The following HACE1 variants were observed in gnomAD, a reference collection of about 807,000 sequenced individuals.
HACE1 encodes the protein HECT domain and ankyrin repeat containing E3 ubiquitin protein ligase 1, also known as E3 ubiquitin-protein ligase HACE1.
Under a neutral mutation model 118.4 loss-of-function variants are expected in HACE1, and 73 were observed. The ratio of observed to expected loss-of-function variants is 0.62; its 90% CI spans 0.51 to 0.75. The LOEUF (loss-of-function observed/expected upper bound fraction) is 0.75. Ranked by LOEUF, HACE1 falls within the 30% of genes least tolerant of loss-of-function variation. The pLI, the probability that HACE1 is intolerant of heterozygous loss-of-function variation, is 0.00. For missense variants in HACE1, 749 were observed against 1,102.2 expected (o/e 0.68, Z 4.54); for synonymous variants, 368 against 374.8 (o/e 0.98, Z 0.21).
chr6:104,807,656 T>C (rs1444344189), intron 7 of HACE1, among the ~76,000 whole-genome samples: 1 of 152,038 alleles, frequency 6.6e-6, no homozygotes, highest in Non-Finnish European at 1.5e-5. Context: ...TTTGAAATAT[T>C]GGTAGAAGTC....
At chr6:104,796,861 T>G in intron 8 of HACE1, 68 bp downstream of exon 8, 1 of 1,144,590 alleles carries the variant, frequency 8.7e-7, no homozygotes. Context: ...ATTGAAAAAA[T>G]AATAATTTTT....
At chr6:104,824,944 G>A (rs1401612397) in intron 6 of HACE1, 2 of 151,744 alleles carry the variant, frequency 1.3e-5, no homozygotes, top group Non-Finnish European at 2.9e-5. Context: ...TTAGCCGGGC[G>A]TGGTGGCGGG....
intron 20 of HACE1, among the ~76,000 whole-genome samples, chr6:104,745,105 A>G (rs1777267859): frequency 6.6e-6 from 1 of 152,180 alleles, no homozygotes. Context: ...AATAGTTACG[A>G]TTTTTAAAAA....
At chr6:104,791,981 T>A (rs1783072699) in intron 10 of HACE1, among the ~76,000 whole-genome samples, 1 of 152,188 alleles carries the variant, frequency 6.6e-6, no homozygotes, top group Non-Finnish European at 1.5e-5. Context: ...CTTTCAGAAG[T>A]ATATTTGTAA....
chr6:104,760,308 C>A (rs766153040), intron 19 of HACE1, among the ~76,000 whole-genome samples: 1 of 152,028 alleles, frequency 6.6e-6, no homozygotes, highest in Non-Finnish European at 1.5e-5. Flanking sequence ...AATAAAATAC[C>A]GGCAAACCAA....
intron 4 of HACE1, among the ~76,000 whole-genome samples, chr6:104,844,792 A>T (rs1775485799): frequency 6.6e-6 from 1 of 151,496 alleles, no homozygotes; most frequent in African/African-American, 2.4e-5. Flanking sequence ...CCTCCCAAGT[A>T]GCTGGGATTA....
At chr6:104,845,471 G>A (rs960034928) in intron 4 of HACE1, among the ~76,000 whole-genome samples, 9 of 135,726 alleles carry the variant, frequency 6.6e-5, no homozygotes, top group Middle Eastern at 8.0e-3. Flanking sequence ...AAAGCTCTGG[G>A]TAAACTTTTT....
intron 22 of HACE1, among the ~76,000 whole-genome samples, chr6:104,736,641 C>T (rs897019403): frequency 6.6e-6 from 1 of 152,100 alleles, no homozygotes; most frequent in Admixed American, 6.6e-5. Flanking sequence ...AAGTTATTGA[C>T]AATTCAGAGT....
At chr6:104,742,395 T>A (rs1776848839) in intron 22 of HACE1, among the ~76,000 whole-genome samples, 1 of 146,804 alleles carries the variant, frequency 6.8e-6, no homozygotes, top group Admixed American at 6.8e-5. Context: ...TGGGAGAAAA[T>A]TTTCACAACC....
intron 19 of HACE1, among the ~76,000 whole-genome samples, chr6:104,763,923 G>A (rs1779681727): frequency 6.6e-6 from 1 of 151,986 alleles, no homozygotes; most frequent in Non-Finnish European, 1.5e-5. Flanking sequence ...GGTGGTAGGC[G>A]CCTGTAATCC....
chr6:104,774,382 G>A (rs1399499020), intron 17 of HACE1, among the ~76,000 whole-genome samples: 6 of 83,628 alleles, frequency 7.2e-5, no homozygotes, highest in South Asian at 3.5e-4. Flanking sequence ...GAGCCACCGC[G>A]CCCGGCCTCT....
At chr6:104,777,528 AT>A (rs1781344562) in intron 14 of HACE1, among the ~76,000 whole-genome samples, 1 of 152,200 alleles carries the variant, frequency 6.6e-6, no homozygotes. Context: ...AGAGAAATGT[AT>A]TTTTTTAAAT....
chr6:104,800,883 A>G (rs941478508), intron 7 of HACE1, among the ~76,000 whole-genome samples: 1 of 152,186 alleles, frequency 6.6e-6, no homozygotes, highest in Non-Finnish European at 1.5e-5. Context: ...AGTTCACAGA[A>G]GTAGGCTTCA....
Position 104,840,645 on chromosome 6 carries a change from C to T in HACE1, c.402+2578G>A, listed in dbSNP as rs547134070. Among the ~76,000 whole-genome samples the T allele has an allele frequency of 9.3e-5, 14 of 149,962 alleles. No homozygotes were observed. In the East Asian group the frequency reaches 2.8e-3, roughly 30 times the overall value. On this transcript the variant is annotated intron_variant, in intron 5 of 23. Transcript: ENST00000262903. ...GGAGTTCGAGATCAGCCTAGCTAAC[C>T]TGGTAAAACCCCGTCTCTATTAAAA... is the stretch of plus-strand genomic sequence containing the variant.
At chr6:104,785,365 G>T (rs778170881) in intron 11 of HACE1, 46 bp from the exon 12 acceptor site, 5 of 1,023,616 alleles carry the variant, frequency 4.9e-6, no homozygotes, top group Non-Finnish European at 4.4e-6. Context: ...TTAAACTACA[G>T]GATTAAAAAA....
chr6:104,850,838 T>C (rs1019841478), intron 3 of HACE1, 69 bp downstream of exon 3: 1 of 937,956 alleles, frequency 1.1e-6, no homozygotes, highest in Non-Finnish European at 1.8e-6. Context: ...TATTGTGTGA[T>C]AATGCTGTTC....
At position 104,859,896 on chromosome 6, in the gene HACE1, C is replaced by T. The variant is rs1392280441; in HGVS notation, c.-254G>A. On this transcript the variant is annotated 5_prime_UTR_variant, in exon 1 of 24. Coordinates refer to ENST00000262903, the MANE Select transcript of HACE1 (RefSeq NM_020771.4). ...TTCCTGCAGCCCCCGCCGCCGCGTC[C>T]CTCCCGGGCTCGCGTGGCCTTCTGG... 4 of 471,602 alleles carry T rather than the reference C, an allele frequency of 8.5e-6. No individual in the cohort carries two copies. Among genetic ancestry groups the T allele is most frequent in the Non-Finnish European group, 1.5e-5 (4 of 266,582 alleles). The allele number at this position is 471,602 out of a possible 1,614,324, so 29.2% of individuals were successfully genotyped here. A position where few individuals can be genotyped will look rare whatever the true frequency, so the allele number is the denominator to read the frequency against.
intron 22 of HACE1, among the ~76,000 whole-genome samples, chr6:104,738,950 T>C (rs907660214): frequency 6.7e-6 from 1 of 149,590 alleles, no homozygotes; most frequent in African/African-American, 2.5e-5. Flanking sequence ...GGGAAGCCCA[T>C]CAGACTAACA....
chr6:104,816,999 G>A (rs1562438316), intron 6 of HACE1, among the ~76,000 whole-genome samples: 1 of 152,162 alleles, frequency 6.6e-6, no homozygotes, highest in Non-Finnish European at 1.5e-5. Context: ...CCCACTTGGA[G>A]CATTCACTCA....
Sources: gnomAD v4.1 joint callset for allele counts (sites outside exome capture counted in the v4.1 genomes callset) on GRCh38, gnomAD v4.1.1 for gene constraint, MANE v1.5 for transcripts, NCBI Gene and HGNC (gene_info 2026-07-23, HGNC 2026-07-21) for gene names.